Variants in SMIM36 observed in about 807,000 individuals in gnomAD.
SMIM36 encodes the protein small integral membrane protein 36.
At chr17:55,454,088 C>T (rs1357277179) in intron 4 of SMIM36, 2 of 152,090 alleles carry the variant, frequency 1.3e-5, no homozygotes, top group African/African-American at 4.8e-5. Flanking sequence ...GTCAGCTGGG[C>T]AGCGATGGAA....
intron 3 of SMIM36, among the ~76,000 whole-genome samples, chr17:55,473,448 A>G (rs1598450349): frequency 1.3e-5 from 2 of 152,084 alleles, no homozygotes; most frequent in African/African-American, 4.8e-5. Flanking sequence ...CTTCCCTTCT[A>G]ACAGATATAA....
At chr17:55,475,553 T>C (rs575778032) in intron 3 of SMIM36, among the ~76,000 whole-genome samples, 1 of 152,316 alleles carries the variant, frequency 6.6e-6, no homozygotes, top group African/African-American at 2.4e-5. Flanking sequence ...ACTTACTCAC[T>C]GCTGAAGAAA....
At chr17:55,488,176 A>G (rs1428928850) in intron 1 of SMIM36, among the ~76,000 whole-genome samples, 1 of 152,244 alleles carries the variant, frequency 6.6e-6, no homozygotes, top group East Asian at 1.9e-4. Context: ...GAGTCAGGCC[A>G]GGACAGTAGT....
intron 3 of SMIM36, among the ~76,000 whole-genome samples, chr17:55,468,728 CTTCCGCCCTCCA>C (rs1909288701): frequency 6.6e-6 from 1 of 152,172 alleles, no homozygotes; most frequent in Non-Finnish European, 1.5e-5. Context: ...TATGGGCAAA[CTTCCGCCCTCCA>C]TTCCCCCTTC....
intron 1 of SMIM36, among the ~76,000 whole-genome samples, chr17:55,483,040 T>C (rs1909545964): frequency 1.3e-5 from 2 of 152,212 alleles, no homozygotes. Flanking sequence ...CTCTTGGCTG[T>C]CAAATGGCAG....
intron 3 of SMIM36, among the ~76,000 whole-genome samples, chr17:55,471,140 G>A (rs922733923): frequency 1.3e-5 from 2 of 151,668 alleles, no homozygotes; most frequent in South Asian, 2.1e-4. Context: ...GCCTCTTTTC[G>A]CCTTTACTTG....
chr17:55,501,320 T>TA (rs1909957037), intron 1 of SMIM36, among the ~76,000 whole-genome samples: 2 of 71,638 alleles, frequency 2.8e-5, no homozygotes, highest in African/African-American at 2.0e-4. Context: ...ATATATTATA[T>TA]TTTATAATAT....
rs367987195 is a variant in SMIM36 at position 55,501,370 on chromosome 17, T to A, written c.*174+9509A>T. On this transcript the variant is annotated intron_variant, in intron 1 of 4. Coordinates refer to ENST00000636752, the Ensembl canonical transcript of SMIM36. ...ATTATATTTTATAATATATAATATA[T>A]TATATATTATAGAATATAATATATT... Among the ~76,000 whole-genome samples the A allele has an allele frequency of 1.7e-3, 138 of 79,022 alleles. 1 individual carries two copies. The highest frequency in any genetic ancestry group is 2.5e-3 in the Non-Finnish European group (115 of 46,634). 51.8% of individuals were successfully genotyped at this position (79,022 alleles called of 152,430 possible). A position where few individuals can be genotyped will look rare whatever the true frequency, so the allele number is the denominator to read the frequency against.
chr17:55,497,673 C>G (rs1909833444), intron 1 of SMIM36, among the ~76,000 whole-genome samples: 1 of 152,068 alleles, frequency 6.6e-6, no homozygotes, highest in African/African-American at 2.4e-5. Flanking sequence ...CCAGCCTGGC[C>G]AACATAGTGA....
chr17:55,492,878 G>A (rs976169244), intron 1 of SMIM36, among the ~76,000 whole-genome samples: 10 of 152,052 alleles, frequency 6.6e-5, no homozygotes, highest in African/African-American at 2.2e-4. Context: ...GTTAATACAC[G>A]CCAGCAACTA....
At chr17:55,510,718 C>T (rs987409866) in intron 1 of SMIM36, among the ~76,000 whole-genome samples, 161 bp downstream of exon 1, 1 of 151,994 alleles carries the variant, frequency 6.6e-6, no homozygotes, top group African/African-American at 2.4e-5. Context: ...TGCACACACA[C>T]ACACACACAA....
chr17:55,455,839 T>C (rs909369450), intron 4 of SMIM36, among the ~76,000 whole-genome samples: 3 of 151,620 alleles, frequency 2.0e-5, no homozygotes, highest in Non-Finnish European at 2.9e-5. Context: ...AAAAACATGC[T>C]GGGTGCGGTG....
At chr17:55,495,144 G>A (rs1909786203) in intron 1 of SMIM36, among the ~76,000 whole-genome samples, 1 of 152,194 alleles carries the variant, frequency 6.6e-6, no homozygotes, top group South Asian at 2.1e-4. Flanking sequence ...TAAGTGGTCT[G>A]TAGGTATATC....
the SMIM36 span, among the ~76,000 whole-genome samples, chr17:55,523,538 A>C: frequency 6.6e-6 from 1 of 151,662 alleles, no homozygotes; most frequent in Non-Finnish European, 1.5e-5. Flanking sequence ...TCAAAAAAAA[A>C]AAAAAAAAAA....
intron 3 of SMIM36, among the ~76,000 whole-genome samples, chr17:55,469,439 C>T (rs1192704555): frequency 6.6e-6 from 1 of 152,154 alleles, no homozygotes; most frequent in Non-Finnish European, 1.5e-5. Context: ...TGCTTTACCA[C>T]CCTAGACCCA....
At chr17:55,501,748 G>C (rs1186702853) in intron 1 of SMIM36, among the ~76,000 whole-genome samples, 1 of 151,366 alleles carries the variant, frequency 6.6e-6, no homozygotes, top group African/African-American at 2.4e-5. Flanking sequence ...AATAGGAACA[G>C]CTCCGGTCTA....
rs540042110 is a variant in SMIM36 at position 55,484,817 on chromosome 17, G to A, written c.*175-5237C>T. 5.3e-5 allele frequency among the ~76,000 whole-genome samples: 8 copies of A among 152,306 alleles called. No individual in the cohort carries two copies. In the East Asian group the frequency reaches 1.5e-3, roughly 29 times the overall value. ...GAGGCGTGGTCACTGTAAGCATGTGGTACATTCTAAAAGATGACTGACCTG... is the reference window on the plus strand; with the variant it reads ...GAGGCGTGGTCACTGTAAGCATGTGATACATTCTAAAAGATGACTGACCTG... On this transcript the variant is annotated intron_variant, in intron 1 of 4. Coordinates refer to ENST00000636752, the Ensembl canonical transcript of SMIM36.
chr17:55,464,260 TG>T (rs1909196951), intron 4 of SMIM36, among the ~76,000 whole-genome samples: 1 of 152,192 alleles, frequency 6.6e-6, no homozygotes, highest in South Asian at 2.1e-4. Context: ...AGGCTCAATA[TG>T]GTATTGATTC....
chr17:55,531,364 C>T, the SMIM36 span, among the ~76,000 whole-genome samples: 1 of 152,186 alleles, frequency 6.6e-6, no homozygotes, highest in Non-Finnish European at 1.5e-5. Context: ...TTTGTATCTT[C>T]CCATGCCAGA....
Sources: gnomAD v4.1 joint callset for allele counts (sites outside exome capture counted in the v4.1 genomes callset) on GRCh38, gnomAD v4.1.1 for gene constraint, MANE v1.5 for transcripts, NCBI Gene and HGNC (gene_info 2026-07-23, HGNC 2026-07-21) for gene names.